ZNF106: variants seen among roughly 807,000 people sequenced by gnomAD.
ZNF106 encodes the protein zinc finger protein 106, also known as SH3-domain binding protein 3.
Under a neutral mutation model 195.1 loss-of-function variants are expected in ZNF106, and 67 were observed. That is an observed-to-expected ratio of 0.34 (90% CI 0.28 to 0.42). The LOEUF is 0.42. Among genes scored for constraint, ZNF106 ranks in the 10% least tolerant of loss-of-function variants. The pLI, the probability that ZNF106 is intolerant of heterozygous loss-of-function variation, is 1.00. For missense variants in ZNF106, 2,118 were observed against 2,304.5 expected, an observed-to-expected ratio of 0.92 and a Z score of 1.66; for synonymous variants, 784 against 818.6, an observed-to-expected ratio of 0.96 and a Z score of 0.72.
chr15:42,490,125 T>C (rs1279492308), intron 1 of ZNF106, among the ~76,000 whole-genome samples: 1 of 141,772 alleles, frequency 7.1e-6, no homozygotes, highest in Non-Finnish European at 1.5e-5. Context: ...AGCTACTGGG[T>C]AGGCTGAGGC....
Position 42,413,396 on chromosome 15 carries a change from TTC to T in ZNF106, c.*3906_*3907del, listed in dbSNP as rs1595852222. 2.0e-5 allele frequency: 3 copies of T among 152,244 alleles called. No homozygotes were observed. In the East Asian group the frequency reaches 5.8e-4, roughly 29 times the overall value. The allele number at this position is 152,244 out of a possible 1,614,324, so 9.4% of individuals were successfully genotyped here. On this transcript the variant is annotated 3_prime_UTR_variant, in exon 22 of 22. Transcript: ENST00000564754. Reference sequence around the variant, plus strand: ...TTTTATAAATGTGGCAGGTATGGCCTTCGTAATTCTAGAAGCTCCCGTTTAGG... The same window carrying T: ...TTTTATAAATGTGGCAGGTATGGCCTGTAATTCTAGAAGCTCCCGTTTAGG...
intron 1 of ZNF106, among the ~76,000 whole-genome samples, chr15:42,475,127 A>G (rs2141430888): frequency 6.6e-6 from 1 of 152,354 alleles, no homozygotes; most frequent in Non-Finnish European, 1.5e-5. Context: ...CCACTTCATA[A>G]TATTACTGAA....
intron 1 of ZNF106, among the ~76,000 whole-genome samples, chr15:42,478,283 C>A (rs903669775): frequency 1.3e-5 from 2 of 152,102 alleles, no homozygotes; most frequent in African/African-American, 4.8e-5. Flanking sequence ...CCTGCCACAG[C>A]CTCCCAAGTA....
chr15:42,434,768 C>CTTT (rs536454605), intron 14 of ZNF106, among the ~76,000 whole-genome samples: 5 of 134,808 alleles, frequency 3.7e-5, no homozygotes, highest in South Asian at 2.3e-4. Flanking sequence ...ACATTTTGCT[C>CTTT]TTTTTTTTTT....
chr15:42,448,852 T>G (rs2055873452), intron 5 of ZNF106, 147 bp from the exon 6 acceptor site: 1 of 720,012 alleles, frequency 1.4e-6, no homozygotes, highest in Non-Finnish European at 2.2e-6. Flanking sequence ...GTCTAGTCAG[T>G]GGTACAGATA....
At chr15:42,435,347 A>C in intron 14 of ZNF106, 37 bp downstream of exon 14, 1 of 1,613,518 alleles carries the variant, frequency 6.2e-7, no homozygotes. Context: ...AAGGCGACTC[A>C]ATATGAACCA....
chr15:42,486,951 C>T (rs1186408998), intron 1 of ZNF106, among the ~76,000 whole-genome samples: 1 of 151,882 alleles, frequency 6.6e-6, no homozygotes, highest in African/African-American at 2.4e-5. Context: ...GCATTTGAGA[C>T]CAGCCTGGCC....
chr15:42,429,357 T>G (rs2054972595), intron 14 of ZNF106, among the ~76,000 whole-genome samples: 1 of 151,524 alleles, frequency 6.6e-6, no homozygotes, highest in African/African-American at 2.4e-5. Flanking sequence ...GAGAACTGCT[T>G]GAACCACGGA....
At chr15:42,460,455 A>AT (rs974552058) in intron 3 of ZNF106, among the ~76,000 whole-genome samples, 6 of 152,218 alleles carry the variant, frequency 3.9e-5, no homozygotes, top group African/African-American at 1.4e-4. Flanking sequence ...ACAGTGGAAC[A>AT]TTTTCAAACC....
At chr15:42,481,028 G>A (rs1432112098) in intron 1 of ZNF106, among the ~76,000 whole-genome samples, 1 of 151,956 alleles carries the variant, frequency 6.6e-6, no homozygotes, top group Non-Finnish European at 1.5e-5. Flanking sequence ...TAAAAACCCT[G>A]CAACCATATA....
chr15:42,442,761 C>T (rs1330089568), intron 9 of ZNF106, among the ~76,000 whole-genome samples: 1 of 151,502 alleles, frequency 6.6e-6, no homozygotes, highest in Non-Finnish European at 1.5e-5. Flanking sequence ...GGATTATAGG[C>T]ACATGCCACT....
intron 20 of ZNF106, among the ~76,000 whole-genome samples, chr15:42,418,690 T>C (rs557518763): frequency 8.5e-5 from 13 of 152,138 alleles, no homozygotes; most frequent in African/African-American, 2.6e-4. Context: ...GAAAGGGCTA[T>C]TTTTAACAAT....
At chr15:42,485,264 A>G (rs917623093) in intron 1 of ZNF106, among the ~76,000 whole-genome samples, 2 of 152,224 alleles carry the variant, frequency 1.3e-5, no homozygotes, top group African/African-American at 2.4e-5. Flanking sequence ...CTGGGACATT[A>G]GAAAGTGATG....
intron 20 of ZNF106, among the ~76,000 whole-genome samples, chr15:42,418,888 C>T (rs2054551599): frequency 2.0e-5 from 3 of 151,632 alleles, no homozygotes; most frequent in African/African-American, 4.8e-5. Context: ...TACTTATAAA[C>T]GTGGCTTAAT....
rs543511816 is a variant in ZNF106, at chr15:42,463,621, T to C, written c.116+2432A>G. Among the ~76,000 whole-genome samples the C allele has an allele frequency of 1.9e-3, 287 of 152,148 alleles. 1 individual carries two copies. The highest frequency in any genetic ancestry group is 6.7e-3 in the African/African-American group (277 of 41,498). ...ATGAAAGACAGAGAGGAACCCTGTC[T>C]TTACAAAAAATAAAAGCCAAAAATA... On this transcript the variant is annotated intron_variant, in intron 3 of 21. Transcript: ENST00000564754.
At chr15:42,490,234 A>G (rs2057118245) in intron 1 of ZNF106, 1 of 151,882 alleles carries the variant, frequency 6.6e-6, no homozygotes, top group South Asian at 2.1e-4. Context: ...TGTCTCAAAA[A>G]AAAAAAAAGA....
intron 16 of ZNF106, 50 bp downstream of exon 16, chr15:42,424,784 A>C (rs762418573): frequency 1.3e-6 from 2 of 1,573,686 alleles, no homozygotes; most frequent in Admixed American, 3.5e-5. Context: ...CTGGCCTCAA[A>C]ACCCTTCTAT....
intron 15 of ZNF106, chr15:42,427,675 G>T: frequency 5.2e-6 from 1 of 190,862 alleles, no homozygotes; most frequent in Non-Finnish European, 1.1e-5. Context: ...CAATTTTAGT[G>T]TATGTGCTGT....
At chr15:42,453,102 G>A (rs2056107130) in intron 4 of ZNF106, among the ~76,000 whole-genome samples, 1 of 152,078 alleles carries the variant, frequency 6.6e-6, no homozygotes, top group Non-Finnish European at 1.5e-5. Flanking sequence ...TTTTAAATAA[G>A]ATGATACTTT....
Sources: allele counts gnomAD v4.1 joint callset (sites outside exome capture counted in the v4.1 genomes callset), GRCh38; gene constraint gnomAD v4.1.1; transcripts MANE v1.5; gene names NCBI Gene and HGNC (gene_info 2026-07-23, HGNC 2026-07-21).